PCLAF: variants seen among roughly 807,000 people sequenced by gnomAD.
PCLAF encodes PCNA clamp associated factor, also known as PCNA-associated factor.
A neutral mutation model predicts 15.1 loss-of-function variants in PCLAF; 12 were observed. The ratio of observed to expected loss-of-function variants is 0.79; its 90% confidence interval spans 0.51 to 1.29. The LOEUF (loss-of-function observed/expected upper bound fraction) is 1.29, where lower values mean the gene tolerates loss of function less well. PCLAF is among the 50% of genes most tolerant of loss of function. The pLI, the probability that PCLAF is intolerant of heterozygous loss-of-function variation, is 0.00. For missense variants in PCLAF, 116 were observed against 130.9 expected (o/e 0.89, Z 0.56); for synonymous variants, 33 against 47.1 (o/e 0.70, Z 1.22).
intron 1 of PCLAF, 23 bp downstream of exon 1, chr15:64,381,303 A>C: frequency 1.2e-6 from 2 of 1,613,726 alleles, no homozygotes; most frequent in Non-Finnish European, 1.7e-6. Flanking sequence ...CCCGCCCTCC[A>C]GTACCACACT....
At chr15:64,374,084 C>T (rs1476211560) in intron 3 of PCLAF, among the ~76,000 whole-genome samples, 2 of 151,710 alleles carry the variant, frequency 1.3e-5, no homozygotes, top group Non-Finnish European at 2.9e-5. Context: ...GAGGTTTTTA[C>T]CCAGAGATAA....
At chr15:64,374,098 T>G (rs1163962271) in intron 3 of PCLAF, among the ~76,000 whole-genome samples, 1 of 152,178 alleles carries the variant, frequency 6.6e-6, no homozygotes, top group African/African-American at 2.4e-5. Context: ...GAGATAAGTA[T>G]TATTGATATT....
chr15:64,383,370 T>G (rs1899872265), upstream of PCLAF, among the ~76,000 whole-genome samples: 1 of 146,940 alleles, frequency 6.8e-6, no homozygotes, highest in African/African-American at 2.5e-5. Context: ...TTTGTGTGTG[T>G]GTTTTTTTTT....
chr15:64,381,525 T>G, upstream of PCLAF: 1 of 1,520,048 alleles, frequency 6.6e-7, no homozygotes, highest in South Asian at 1.3e-5. Context: ...CTCCCATTGG[T>G]TCCGCGCCGT....
chr15:64,366,111 A>T, intron 3 of PCLAF, 36 bp from the exon 4 acceptor site: 1 of 1,547,570 alleles, frequency 6.5e-7, no homozygotes, highest in Non-Finnish European at 8.8e-7. Context: ...TAGCCATCCA[A>T]GTATCAACTG....
chr15:64,381,381 A>C lies in PCLAF; in HGVS notation c.-10T>G. On this transcript the variant is annotated 5_prime_UTR_variant, in exon 1 of 4. Coordinates refer to ENST00000300035, the MANE Select transcript of PCLAF (RefSeq NM_014736.6). ...CTTTAGTCCGCACCATGTTCAAACAAGAAGAGAGGAGAGGAGAGAACGAAC... is the reference window on the plus strand; with the variant it reads ...CTTTAGTCCGCACCATGTTCAAACACGAAGAGAGGAGAGGAGAGAACGAAC... 6.2e-7 allele frequency: 1 copy of C among 1,614,170 alleles called. No homozygotes were observed.
At chr15:64,384,944 G>C (rs1001032774), upstream of PCLAF, among the ~76,000 whole-genome samples, 4 of 151,950 alleles carry the variant, frequency 2.6e-5, no homozygotes, top group African/African-American at 9.7e-5. Flanking sequence ...CTGTCACGCA[G>C]GCTAGAGTGC....
chr15:64,367,621 C>T (rs1161310374), intron 3 of PCLAF, among the ~76,000 whole-genome samples: 11 of 151,814 alleles, frequency 7.2e-5, no homozygotes, highest in Non-Finnish European at 1.2e-4. Context: ...GATCTCAGCT[C>T]ACTGCAACCT....
chr15:64,373,577 G>A, intron 3 of PCLAF: 1 of 1,438,140 alleles, frequency 7.0e-7, no homozygotes, highest in Non-Finnish European at 9.1e-7. Flanking sequence ...GGAGGGCTTT[G>A]TGGTTTCGGC....
At chr15:64,376,188 G>T (rs1002035550) in intron 3 of PCLAF, among the ~76,000 whole-genome samples, 2 of 151,972 alleles carry the variant, frequency 1.3e-5, no homozygotes, top group Admixed American at 1.3e-4. Flanking sequence ...TAGCGCCACT[G>T]CCCTCTAGCC....
rs1327602413 is a variant in PCLAF at position 64,365,955 on chromosome 15, C to G, written c.*75G>C. The G allele has an allele frequency of 7.9e-7, 1 of 1,258,668 alleles. No individual in the cohort carries two copies. The highest frequency in any genetic ancestry group is 1.8e-5 in the Admixed American group (1 of 54,634). 78.0% of individuals were successfully genotyped at this position (1,258,668 alleles called of 1,614,324 possible). On this transcript the variant is annotated 3_prime_UTR_variant, in exon 4 of 4. Coordinates refer to ENST00000300035, the MANE Select transcript of PCLAF (RefSeq NM_014736.6). ...GTTCAACAAAGCTAATTGGAACAAA[C>G]ACATTTATGTAAATTTACATTCTAG... is the stretch of plus-strand genomic sequence containing the variant.
Position 64,365,982 on chromosome 15 carries a change from A to C in PCLAF, c.*48T>G, listed in dbSNP as rs369076316. 2.8e-6 allele frequency: 4 copies of C among 1,419,444 alleles called. No individual in the cohort carries two copies. Among genetic ancestry groups the C allele is most frequent in the Middle Eastern group, 1.8e-4 (1 of 5,696 alleles). 87.9% of individuals were successfully genotyped at this position (1,419,444 alleles called of 1,614,324 possible). A position where few individuals can be genotyped will look rare whatever the true frequency, so the allele number is the denominator to read the frequency against. ...CATTTATGTAAATTTACATTCTAGA[A>C]TACCAGGGTAAACAAGGAGACGTTA... is the stretch of plus-strand genomic sequence containing the variant. On this transcript the variant is annotated 3_prime_UTR_variant, in exon 4 of 4. Coordinates refer to ENST00000300035, the MANE Select transcript of PCLAF (RefSeq NM_014736.6).
upstream of PCLAF, chr15:64,382,721 TC>T: frequency 5.6e-6 from 1 of 177,450 alleles, no homozygotes; most frequent in Non-Finnish European, 1.2e-5. Flanking sequence ...ACACCTGTAA[TC>T]CTAGCACTTT....
chr15:64,367,474 G>C (rs948458924), intron 3 of PCLAF, among the ~76,000 whole-genome samples: 1 of 151,430 alleles, frequency 6.6e-6, no homozygotes, highest in Non-Finnish European at 1.5e-5. Context: ...TTGCACTCCA[G>C]CCTGGGCAAC....
chr15:64,387,023 C>T (rs1899956812), intron 1 of PCLAF, among the ~76,000 whole-genome samples: 1 of 152,052 alleles, frequency 6.6e-6, no homozygotes, highest in African/African-American at 2.4e-5. Context: ...GTGGAAAGTC[C>T]TCAAAGCCAA....
chr15:64,378,045 C>T (rs1899685803), intron 2 of PCLAF, among the ~76,000 whole-genome samples: 1 of 152,074 alleles, frequency 6.6e-6, no homozygotes, highest in Admixed American at 6.6e-5. Context: ...ATTCTCCTGC[C>T]TCAGCCTCCC....
upstream of PCLAF, among the ~76,000 whole-genome samples, chr15:64,385,769 A>G (rs888633478): frequency 6.6e-6 from 1 of 152,186 alleles, no homozygotes; most frequent in African/African-American, 2.4e-5. Flanking sequence ...TCTGCTCTCA[A>G]TGTGAGCGGG....
intron 1 of PCLAF, among the ~76,000 whole-genome samples, chr15:64,386,932 AT>A (rs1180409550): frequency 6.6e-6 from 1 of 152,010 alleles, no homozygotes; most frequent in Non-Finnish European, 1.5e-5. Flanking sequence ...GTTTGGCTAA[AT>A]TTTCCCCAGC....
Position 64,374,538 on chromosome 15 carries a change from C to CA in PCLAF, c.290+2204dup, listed in dbSNP as rs1050774291. On this transcript the variant is annotated intron_variant, in intron 3 of 3. Transcript: ENST00000300035. The stretch of plus-strand genomic sequence containing the variant: ...TGGGCAACAGAGCGAAACTCCGTCT[C>CA]AAAAAAAAAAAAAGTTTGCACACTG... Among the ~76,000 whole-genome samples, 587 of 131,604 alleles carry CA rather than the reference C, an allele frequency of 4.5e-3. 4 individuals carry two copies. Among genetic ancestry groups the CA allele is most frequent in the Middle Eastern group, 0.017 (4 of 240 alleles). The allele number at this position is 131,604 out of a possible 152,430, so 86.3% of individuals were successfully genotyped here. A position where few individuals can be genotyped will look rare whatever the true frequency, so the allele number is the denominator to read the frequency against.
Sources: allele counts gnomAD v4.1 joint callset (sites outside exome capture counted in the v4.1 genomes callset), GRCh38; gene constraint gnomAD v4.1.1; transcripts MANE v1.5; gene names NCBI Gene and HGNC (gene_info 2026-07-23, HGNC 2026-07-21).